Variants in GFRA2 observed in about 807,000 individuals in gnomAD.
GFRA2 encodes the protein GDNF family receptor alpha-2.
GFRA2 carries 17 observed loss-of-function variants against 48.3 expected under a neutral mutation model. The observed-to-expected ratio is 0.35, with a 90% confidence interval of 0.24 to 0.53. The LOEUF (loss-of-function observed/expected upper bound fraction) is 0.53, where lower values mean the gene tolerates loss of function less well. GFRA2 is among the 20% of genes least tolerant of loss of function. The pLI is 0.93. For missense variants in GFRA2, 660 were observed against 637.3 expected (o/e 1.04, Z -0.38); for synonymous variants, 305 against 257.2 (o/e 1.19, Z -1.78).
At chr8:21,747,796 A>ACACG (rs1805084468) in intron 4 of GFRA2, among the ~76,000 whole-genome samples, 1 of 138,400 alleles carries the variant, frequency 7.2e-6, no homozygotes, top group East Asian at 2.1e-4. Flanking sequence ...ACACACACAC[A>ACACG]CACACGCATG....
In GFRA2 at chr8:21,693,171, A is replaced by AT. The variant is rs902806299; in HGVS notation, c.*106dup. Reference sequence around the variant, plus strand: ...GTTCAGCGACAAGGTGGGAAAAACAATTTTTTTTTTGCAAGGTGTGTGTGT... The same window carrying AT: ...GTTCAGCGACAAGGTGGGAAAAACAATTTTTTTTTTTGCAAGGTGTGTGTGT... On this transcript the variant is annotated 3_prime_UTR_variant, in exon 9 of 9. Coordinates refer to ENST00000524240, the MANE Select transcript of GFRA2 (RefSeq NM_001495.5). 6,996 of 1,044,948 alleles carry AT rather than the reference A, an allele frequency of 6.7e-3. No individual in the cohort carries two copies. Among genetic ancestry groups the AT allele is most frequent in the South Asian group, 7.5e-3 (281 of 37,624 alleles). The allele number at this position is 1,044,948 out of a possible 1,614,324, so 64.7% of individuals were successfully genotyped here.
At chr8:21,768,201 G>A (rs1275651191) in intron 3 of GFRA2, among the ~76,000 whole-genome samples, 9 of 152,208 alleles carry the variant, frequency 5.9e-5, no homozygotes, top group African/African-American at 1.9e-4. Flanking sequence ...GGGAGGTGTC[G>A]GAGGTGACAG....
At chr8:21,766,299 A>G (rs1412933763) in intron 3 of GFRA2, among the ~76,000 whole-genome samples, 1 of 151,850 alleles carries the variant, frequency 6.6e-6, no homozygotes, top group Admixed American at 6.6e-5. Flanking sequence ...ATTCATCACT[A>G]TCTCACATGT....
intron 1 of GFRA2, among the ~76,000 whole-genome samples, chr8:21,787,047 C>A (rs1343490663): frequency 3.9e-5 from 6 of 152,134 alleles, no homozygotes; most frequent in Non-Finnish European, 7.4e-5. Flanking sequence ...ATGGGAGCGT[C>A]TACTCCCTGG....
rs1260474064 is a variant in GFRA2, at chr8:21,739,777, C to T, written c.794+10811G>A. 2.0e-5 allele frequency among the ~76,000 whole-genome samples: 3 copies of T among 152,208 alleles called. No homozygotes were observed. The East Asian group carries it at 5.8e-4, about 29-fold the overall frequency. ...GCAGGAGCCAGGGGCACCTCTCCAA[C>T]AGCCCCTGCACTGTTCAAACACCTC... On this transcript the variant is annotated intron_variant, in intron 4 of 8. Transcript: ENST00000524240.
chr8:21,780,296 A>G (rs913282356), intron 2 of GFRA2, among the ~76,000 whole-genome samples: 6 of 152,018 alleles, frequency 3.9e-5, no homozygotes, highest in African/African-American at 1.4e-4. Context: ...TGAGGCACAC[A>G]GCAGGTGTCT....
intron 4 of GFRA2, among the ~76,000 whole-genome samples, chr8:21,727,832 G>A (rs1239404659): frequency 6.6e-6 from 1 of 152,140 alleles, no homozygotes; most frequent in Non-Finnish European, 1.5e-5. Flanking sequence ...AAAATACTTT[G>A]ATTATTTTCC....
chr8:21,712,117 A>G (rs1254108697), intron 4 of GFRA2, among the ~76,000 whole-genome samples: 1 of 152,078 alleles, frequency 6.6e-6, no homozygotes, highest in Non-Finnish European at 1.5e-5. Flanking sequence ...CAATTTCTCA[A>G]TCTTTTCCCC....
chr8:21,691,185 A>G lies in GFRA2; in HGVS notation c.*2093T>C, dbSNP rs7845092. On this transcript the variant is annotated 3_prime_UTR_variant, in exon 9 of 9. Coordinates refer to ENST00000524240, the MANE Select transcript of GFRA2 (RefSeq NM_001495.5). ...ATGCAGCCCTGAAGGCCAGGCTGAC[A>G]GTAGAAACATCTTCTCGCCTACCAG... is the stretch of plus-strand genomic sequence containing the variant. 10,352 of 152,342 alleles carry G rather than the reference A, an allele frequency of 0.068. 470 individuals carry two copies. The highest frequency in any genetic ancestry group is 0.16 in the South Asian group (781 of 4,826). The allele number at this position is 152,342 out of a possible 1,614,324, so 9.4% of individuals were successfully genotyped here. A position where few individuals can be genotyped will look rare whatever the true frequency, so the allele number is the denominator to read the frequency against.
chr8:21,790,165 G>C (rs1034487162), upstream of GFRA2: 9 of 906,542 alleles, frequency 9.9e-6, no homozygotes, highest in African/African-American at 1.4e-4. Flanking sequence ...GTGCGGCTGC[G>C]GTCACGTTCC....
At chr8:21,709,513 G>A (rs1802909972) in intron 4 of GFRA2, among the ~76,000 whole-genome samples, 1 of 152,206 alleles carries the variant, frequency 6.6e-6, no homozygotes. Context: ...CTGCCGCGTG[G>A]CTAACAGACA....
intron 7 of GFRA2, among the ~76,000 whole-genome samples, chr8:21,700,206 G>T (rs1036034218): frequency 6.6e-6 from 1 of 152,184 alleles, no homozygotes; most frequent in African/African-American, 2.4e-5. Flanking sequence ...CTAGAGCCCA[G>T]TGGGATGGAG....
chr8:21,760,088 T>C (rs1474949722), intron 3 of GFRA2, among the ~76,000 whole-genome samples: 1 of 152,080 alleles, frequency 6.6e-6, no homozygotes, highest in Non-Finnish European at 1.5e-5. Flanking sequence ...GGCACGTTCC[T>C]AATCAAAAGG....
rs1000594732 is a variant in GFRA2 at position 21,788,593 on chromosome 8, G to C, written c.-434C>G. On this transcript the variant is annotated 5_prime_UTR_variant, in exon 1 of 9. Transcript: ENST00000524240. ...GGGCTGGAAGGAAGCGGCGAGGGAGGGGGTCGGAATAAAATGCAAATAGAA... is the reference window on the plus strand; with the variant it reads ...GGGCTGGAAGGAAGCGGCGAGGGAGCGGGTCGGAATAAAATGCAAATAGAA... 59 of 996,740 alleles carry C rather than the reference G, an allele frequency of 5.9e-5. No individual in the cohort carries two copies. The African/African-American group carries it at 1.0e-3, about 17-fold the overall frequency. 61.7% of individuals were successfully genotyped at this position (996,740 alleles called of 1,614,324 possible).
At position 21,788,209 on chromosome 8, in the gene GFRA2, AAT is replaced by A; in HGVS notation, c.-52_-51del. On this transcript the variant is annotated 5_prime_UTR_variant, in exon 1 of 9. Transcript: ENST00000524240. The stretch of plus-strand genomic sequence containing the variant: ...TGTCTTTCTCCCTTGGGTAAAAAAA[AAT>A]AATAGTAGTAACAACAACAATAATA... The A allele has an allele frequency of 4.4e-6, 7 of 1,593,084 alleles. No individual in the cohort carries two copies. In the African/African-American group the frequency reaches 8.2e-5, roughly 19 times the overall value.
intron 4 of GFRA2, among the ~76,000 whole-genome samples, chr8:21,707,653 T>C (rs11997558): frequency 0.23 from 35,032 of 152,138 alleles, 5,301 homozygotes; most frequent in African/African-American, 0.43. Flanking sequence ...TGGGAGACCA[T>C]GCCCAAGTTC....
At position 21,787,009 on chromosome 8, in the gene GFRA2, CAT is replaced by C. The variant is rs1212802677; in HGVS notation, c.40+1109_40+1110del. Among the ~76,000 whole-genome samples the C allele has an allele frequency of 8.1e-3, 1,237 of 152,184 alleles. 13 individuals carry two copies. The highest frequency in any genetic ancestry group is 0.028 in the African/African-American group (1,175 of 41,500). On this transcript the variant is annotated intron_variant, in intron 1 of 8. Transcript: ENST00000524240. Reference sequence around the variant, plus strand: ...ACAAACACACTCACACACACACACACATACACAGTAGTTACCCGGCTCCCTCT... The same window carrying C: ...ACAAACACACTCACACACACACACACACACAGTAGTTACCCGGCTCCCTCT...
intron 7 of GFRA2, among the ~76,000 whole-genome samples, chr8:21,694,960 C>T (rs1430285847): frequency 6.6e-6 from 1 of 152,208 alleles, no homozygotes; most frequent in East Asian, 1.9e-4. Context: ...CCTCCAAGAG[C>T]CAACTCCTGT....
intron 4 of GFRA2, among the ~76,000 whole-genome samples, chr8:21,726,794 C>T (rs565547594): frequency 2.2e-3 from 324 of 150,348 alleles, no homozygotes; most frequent in African/African-American, 7.7e-3. Context: ...ACTCTGTGGC[C>T]CAGGCTGGAT....
Sources: gnomAD v4.1 joint callset for allele counts (sites outside exome capture counted in the v4.1 genomes callset) on GRCh38, gnomAD v4.1.1 for gene constraint, MANE v1.5 for transcripts, NCBI Gene and HGNC (gene_info 2026-07-23, HGNC 2026-07-21) for gene names.